POU2F3: variants seen among roughly 807,000 people sequenced by gnomAD.
The protein encoded by POU2F3 is POU class 2 homeobox 3.
Under a neutral mutation model 59.2 loss-of-function variants are expected in POU2F3, and 23 were observed. The observed-to-expected ratio is 0.39, with a 90% CI of 0.28 to 0.55. The LOEUF is 0.55. Among genes scored for constraint, POU2F3 ranks in the 20% least tolerant of loss-of-function variants. The pLI is 0.66. For missense variants in POU2F3, 473 were observed against 544.5 expected (o/e 0.87, Z 1.31); for synonymous variants, 190 against 214.6 (o/e 0.89, Z 1.00).
chr11:120,237,159 G>T (rs973907927), upstream of POU2F3, among the ~76,000 whole-genome samples: 5 of 152,140 alleles, frequency 3.3e-5, no homozygotes, highest in African/African-American at 7.2e-5. Context: ...CATCTGTAAC[G>T]CAGGGCTAAT....
At position 120,240,349 on chromosome 11, in the gene POU2F3, G is replaced by C; in HGVS notation, c.6G>C (p.Val2=). Residue 2 remains valine (V), a synonymous_variant, in exon 1 of 13, where the codon GTG becomes GTC. Coordinates refer to ENST00000543440, the MANE Select transcript of POU2F3 (RefSeq NM_014352.4). M[V]NLESMHTDIK... ...TTGGCCCCGCCTGGGGCAGGATGGT[G>C]AATCTGGAGTCCATGCACACAGGTG... is the stretch of plus-strand genomic sequence containing the variant. The C allele has an allele frequency of 7.0e-7, 1 of 1,419,118 alleles. No individual in the cohort carries two copies. Among genetic ancestry groups the C allele is most frequent in the South Asian group, 1.8e-5 (1 of 54,888 alleles). The allele number at this position is 1,419,118 out of a possible 1,614,324, so 87.9% of individuals were successfully genotyped here. A position where few individuals can be genotyped will look rare whatever the true frequency, so the allele number is the denominator to read the frequency against.
intron 10 of POU2F3, among the ~76,000 whole-genome samples, chr11:120,310,399 A>T (rs963342896): frequency 6.6e-6 from 1 of 152,190 alleles, no homozygotes; most frequent in African/African-American, 2.4e-5. Flanking sequence ...GAGGAAAAAA[A>T]CTAAGAATTT....
chr11:120,273,360 C>T (rs541688735), intron 3 of POU2F3, among the ~76,000 whole-genome samples: 1 of 152,244 alleles, frequency 6.6e-6, no homozygotes, highest in East Asian at 1.9e-4. Flanking sequence ...CTAAGCTCTA[C>T]CTAAGGATAT....
At chr11:120,264,576 G>C (rs967226167) in intron 2 of POU2F3, among the ~76,000 whole-genome samples, 2 of 152,078 alleles carry the variant, frequency 1.3e-5, no homozygotes, top group Admixed American at 6.6e-5. Context: ...TCCACCTTTT[G>C]GGGGGGTGGT....
chr11:120,256,657 C>T (rs1426776328), intron 2 of POU2F3: 3 of 152,154 alleles, frequency 2.0e-5, no homozygotes, highest in Non-Finnish European at 4.4e-5. Flanking sequence ...TCATGTTGAT[C>T]CTAACTCAAG....
chr11:120,239,834 G>A (rs1200564216), upstream of POU2F3, among the ~76,000 whole-genome samples: 1 of 152,174 alleles, frequency 6.6e-6, no homozygotes, highest in Non-Finnish European at 1.5e-5. Flanking sequence ...CTTACACTTC[G>A]CGATCTGTCC....
chr11:120,298,236 T>C, intron 3 of POU2F3, 29 bp from the exon 4 acceptor site: 1 of 1,599,608 alleles, frequency 6.3e-7, no homozygotes. Flanking sequence ...GATCCAGCAC[T>C]GACGCTCTCC....
chr11:120,249,473 T>G (rs1257810339), intron 2 of POU2F3, among the ~76,000 whole-genome samples: 2 of 152,162 alleles, frequency 1.3e-5, no homozygotes, highest in African/African-American at 4.8e-5. Context: ...GCCTCCCAGG[T>G]AGCTGGGACT....
At chr11:120,247,494 AAC>A (rs1370571588) in intron 2 of POU2F3, among the ~76,000 whole-genome samples, 3 of 152,194 alleles carry the variant, frequency 2.0e-5, no homozygotes, top group Admixed American at 2.0e-4. Flanking sequence ...TTAATACTGA[AAC>A]AGTGTTTCCT....
At chr11:120,240,551 G>A (rs1201716985) in intron 1 of POU2F3, among the ~76,000 whole-genome samples, 180 bp downstream of exon 1, 1 of 149,200 alleles carries the variant, frequency 6.7e-6, no homozygotes, top group Non-Finnish European at 1.5e-5. Flanking sequence ...AAAGGGAGGG[G>A]ATCTGGGATA....
At chr11:120,272,382 C>T (rs754585626) in intron 3 of POU2F3, among the ~76,000 whole-genome samples, 14 of 152,196 alleles carry the variant, frequency 9.2e-5, no homozygotes, top group African/African-American at 1.2e-4. Flanking sequence ...ACACACCATC[C>T]CTGGGGAGAG....
chr11:120,279,172 G>A (rs1940456882), intron 3 of POU2F3, among the ~76,000 whole-genome samples: 4 of 151,640 alleles, frequency 2.6e-5, no homozygotes, highest in Admixed American at 6.6e-5. Context: ...CCAGACTCCC[G>A]ACTCTGTGGT....
intron 4 of POU2F3, among the ~76,000 whole-genome samples, chr11:120,298,923 T>A (rs1028509568): frequency 6.6e-6 from 1 of 152,168 alleles, no homozygotes; most frequent in African/African-American, 2.4e-5. Flanking sequence ...AATATGCATC[T>A]GTCCCTTCAC....
intron 10 of POU2F3, among the ~76,000 whole-genome samples, chr11:120,312,676 C>T (rs1456924597): frequency 6.6e-6 from 1 of 152,148 alleles, no homozygotes; most frequent in Admixed American, 6.5e-5. Context: ...GGTACTGGGG[C>T]TCCAGTGGTG....
intron 2 of POU2F3, among the ~76,000 whole-genome samples, chr11:120,251,013 A>T (rs982173994): frequency 6.6e-6 from 1 of 151,768 alleles, no homozygotes; most frequent in Middle Eastern, 3.2e-3. Flanking sequence ...TGTCACTTAC[A>T]CTAGAGTGTG....
At chr11:120,269,278 T>A in intron 3 of POU2F3, 34 bp downstream of exon 3, 1 of 1,546,714 alleles carries the variant, frequency 6.5e-7, no homozygotes, top group Non-Finnish European at 8.9e-7. Flanking sequence ...ACGTTTATTC[T>A]ATAAAATTTG....
chr11:120,318,275 C>A, intron 12 of POU2F3, 78 bp from the exon 13 acceptor site: 1 of 1,397,592 alleles, frequency 7.2e-7, no homozygotes, highest in Non-Finnish European at 1.0e-6. Flanking sequence ...GCCCCTGTAC[C>A]TGCTAGCAGT....
chr11:120,316,939 A>G (rs1941803077), intron 11 of POU2F3, among the ~76,000 whole-genome samples: 1 of 152,144 alleles, frequency 6.6e-6, no homozygotes, highest in Non-Finnish European at 1.5e-5. Flanking sequence ...GTCCTAGAGT[A>G]GGATGATTTT....
intron 4 of POU2F3, among the ~76,000 whole-genome samples, chr11:120,298,663 C>T (rs1315462456): frequency 6.6e-6 from 1 of 152,206 alleles, no homozygotes; most frequent in Non-Finnish European, 1.5e-5. Flanking sequence ...GTCTGCCAGC[C>T]ACATTCAGGG....
Sources: allele counts gnomAD v4.1 joint callset (sites outside exome capture counted in the v4.1 genomes callset), GRCh38; gene constraint gnomAD v4.1.1; transcripts MANE v1.5; gene names NCBI Gene and HGNC (gene_info 2026-07-23, HGNC 2026-07-21).